Variants in MYLK observed in about 807,000 individuals in gnomAD.
The protein encoded by MYLK is myosin light chain kinase, smooth muscle.
A neutral mutation model predicts 203.4 loss-of-function variants in MYLK; 106 were observed. The observed-to-expected ratio is 0.52, with a 90% CI of 0.45 to 0.61. The LOEUF (loss-of-function observed/expected upper bound fraction) is 0.61, where lower values mean the gene tolerates loss of function less well. Among genes scored for constraint, MYLK ranks in the 20% least tolerant of loss-of-function variants. MYLK has a pLI of 0.00. For synonymous variants in MYLK, 867 were observed against 959.5 expected (o/e 0.90, Z 1.78); for missense variants, 2,072 against 2,442.3 (o/e 0.85, Z 3.20).
chr3:123,735,311 G>T, intron 9 of MYLK, 87 bp downstream of exon 9: 1 of 1,545,046 alleles, frequency 6.5e-7, no homozygotes, highest in South Asian at 1.1e-5. Context: ...CCCATAAGAT[G>T]ATTCAGAAAT....
chr3:123,692,361 G>A, intron 19 of MYLK: 1 of 1,175,762 alleles, frequency 8.5e-7, no homozygotes, highest in Admixed American at 3.7e-5. Flanking sequence ...CGTCCTGCCA[G>A]CTCGGACACT....
intron 3 of MYLK, among the ~76,000 whole-genome samples, chr3:123,828,745 C>G (rs2066224383): frequency 6.6e-6 from 1 of 152,024 alleles, no homozygotes; most frequent in African/African-American, 2.4e-5. Context: ...ACAAGGAACT[C>G]AATTCAACAG....
At chr3:123,863,576 C>T (rs1461284620) in intron 2 of MYLK, among the ~76,000 whole-genome samples, 2 of 152,006 alleles carry the variant, frequency 1.3e-5, no homozygotes, top group Admixed American at 1.3e-4. Context: ...AAGAAAGATA[C>T]ATAAATGGCC....
intron 10 of MYLK, 128 bp downstream of exon 10, chr3:123,733,559 T>C: frequency 8.2e-7 from 1 of 1,224,098 alleles, no homozygotes; most frequent in Non-Finnish European, 1.2e-6. Context: ...TAAGGTGGTT[T>C]TCTAGGGGAG....
chr3:123,773,538 G>C (rs1408154403), intron 4 of MYLK, among the ~76,000 whole-genome samples: 1 of 152,238 alleles, frequency 6.6e-6, no homozygotes, highest in African/African-American at 2.4e-5. Context: ...AAGAATAAGG[G>C]AGTGGCATGC....
chr3:123,733,186 T>TAGGTGG, intron 10 of MYLK, 84 bp from the exon 11 acceptor site: 1 of 1,461,716 alleles, frequency 6.8e-7, no homozygotes, highest in Non-Finnish European at 9.4e-7. Flanking sequence ...AGGTGTGAGC[T>TAGGTGG]GGAGGAAAGG....
At chr3:123,839,093 T>TAAACA (rs948508936) in intron 2 of MYLK, among the ~76,000 whole-genome samples, 2 of 151,594 alleles carry the variant, frequency 1.3e-5, no homozygotes, top group African/African-American at 2.4e-5. Flanking sequence ...GACTCCACCT[T>TAAACA]AAACAAAACA....
chr3:123,857,110 C>A (rs1486313305), intron 2 of MYLK, among the ~76,000 whole-genome samples: 3 of 151,984 alleles, frequency 2.0e-5, no homozygotes, highest in Non-Finnish European at 2.9e-5. Flanking sequence ...CCATCTCACA[C>A]CAGTTAGAAT....
chr3:123,758,383 G>C (rs2063427636), intron 4 of MYLK, among the ~76,000 whole-genome samples: 3 of 152,148 alleles, frequency 2.0e-5, no homozygotes, highest in Admixed American at 2.0e-4. Context: ...CCACCCCCAT[G>C]TCCAACTTGT....
At chr3:123,765,460 G>A (rs1282817402) in intron 4 of MYLK, among the ~76,000 whole-genome samples, 1 of 150,874 alleles carries the variant, frequency 6.6e-6, no homozygotes, top group Non-Finnish European at 1.5e-5. Context: ...GAATCCAGGA[G>A]ACAGAGATTG....
intron 3 of MYLK, among the ~76,000 whole-genome samples, chr3:123,829,797 T>C (rs1054000960): frequency 1.3e-5 from 2 of 152,230 alleles, no homozygotes; most frequent in Non-Finnish European, 2.9e-5. Context: ...GTATTACCTA[T>C]GAGTGTCCCA....
rs73857505 is a variant in MYLK, at chr3:123,740,043, C to T, written c.374-42G>A. 2.5e-6 allele frequency: 4 copies of T among 1,608,412 alleles called. No homozygotes were observed. In the Admixed American group the frequency reaches 6.7e-5, roughly 27 times the overall value. On this transcript the variant is annotated intron_variant, in intron 5 of 33. Transcript: ENST00000360304. ...TGATGAGTCAGGTCTGAGCCACCAACTTGGAGCAATGAAAGTAAAAAGATT... is the reference window on the plus strand; with the variant it reads ...TGATGAGTCAGGTCTGAGCCACCAATTTGGAGCAATGAAAGTAAAAAGATT...
intron 31 of MYLK, chr3:123,625,085 C>A (rs897618860): frequency 6.6e-6 from 1 of 152,414 alleles, no homozygotes; most frequent in Non-Finnish European, 1.5e-5. Flanking sequence ...CAAGCCCAGC[C>A]GGAATGGGTC....
At position 123,737,533 on chromosome 3, in the gene MYLK, G is replaced by A; in HGVS notation, c.599C>T (p.Pro200Leu). The A allele has an allele frequency of 6.2e-7, 1 of 1,614,158 alleles. No homozygotes were observed. Among genetic ancestry groups the A allele is most frequent in the Non-Finnish European group, 8.5e-7 (1 of 1,180,038 alleles). Residue 200 changes from proline (P) to leucine (L), a missense_variant, in exon 8 of 34, where the codon CCA becomes CTA. Around this residue, in one of 3 missense-constraint regions of MYLK, gnomAD observed 683 missense variants for 643.8 expected, o/e 1.06. Coordinates refer to ENST00000360304, the MANE Select transcript of MYLK (RefSeq NM_053025.4). ...AGACACACGGGCACTCGGCTGCAGT[G>A]GAACATTTCCCTGTGGATGGCAATG... is the stretch of plus-strand genomic sequence containing the variant. ...PQVTWLKGNV[P>L]LQPSARVSVS...
Position 123,648,347 on chromosome 3 carries a change from T to C in MYLK, c.4415+624A>G, listed in dbSNP as rs2059094607. On this transcript the variant is annotated intron_variant, in intron 26 of 33. Transcript: ENST00000360304. The surrounding 1 kb of genome is among the most constrained non-coding windows in gnomAD (Gnocchi z 4.5). ...AGCTTGATGACTGCTGCGCGTTTAA[T>C]GGAGCACTAACGCAGGCATTGCTTT... 2.0e-5 allele frequency among the ~76,000 whole-genome samples: 3 copies of C among 152,232 alleles called. No homozygotes were observed. The highest frequency in any genetic ancestry group is 6.5e-5 in the Admixed American group (1 of 15,286).
chr3:123,761,056 GT>G (rs1371073295), intron 4 of MYLK, among the ~76,000 whole-genome samples: 1 of 152,140 alleles, frequency 6.6e-6, no homozygotes, highest in Non-Finnish European at 1.5e-5. Flanking sequence ...TAAATCTGGA[GT>G]TTTTAGCCAG....
intron 2 of MYLK, among the ~76,000 whole-genome samples, chr3:123,857,343 C>A (rs1329477953): frequency 6.6e-6 from 1 of 152,000 alleles, no homozygotes; most frequent in Non-Finnish European, 1.5e-5. Flanking sequence ...AAGACACATG[C>A]ACACGTATGT....
chr3:123,823,824 C>A (rs1249872230), intron 3 of MYLK, among the ~76,000 whole-genome samples: 3 of 152,244 alleles, frequency 2.0e-5, no homozygotes, highest in Non-Finnish European at 4.4e-5. Context: ...TCTGCCCTCC[C>A]ACTCTTACAC....
chr3:123,683,277 G>A (rs984832249), intron 19 of MYLK, among the ~76,000 whole-genome samples: 8 of 120,112 alleles, frequency 6.7e-5, no homozygotes, highest in African/African-American at 2.5e-4. Context: ...CTGAGGAGAG[G>A]AAGCTAAGTG....
Sources: allele counts gnomAD v4.1 joint callset (sites outside exome capture counted in the v4.1 genomes callset), GRCh38; gene constraint gnomAD v4.1.1; regional missense constraint gnomAD v4.1.1; non-coding constraint Gnocchi (gnomAD v3.1); transcripts MANE v1.5; gene names NCBI Gene and HGNC (gene_info 2026-07-23, HGNC 2026-07-21).